MARCHF7: variants seen among roughly 807,000 people sequenced by gnomAD.
MARCHF7 encodes membrane associated ring-CH-type finger 7.
Under a neutral mutation model 76.5 loss-of-function variants are expected in MARCHF7, and 20 were observed. The ratio of observed to expected loss-of-function variants is 0.26; its 90% confidence interval spans 0.18 to 0.38. The LOEUF is 0.38. Among genes scored for constraint, MARCHF7 ranks in the 10% least tolerant of loss-of-function variants. The pLI, the probability that MARCHF7 is intolerant of heterozygous loss-of-function variation, is 1.00. For synonymous variants in MARCHF7, 295 were observed against 293.0 expected, an observed-to-expected ratio of 1.01 and a Z score of -0.07; for missense variants, 797 against 812.9, an observed-to-expected ratio of 0.98 and a Z score of 0.24.
chr2:159,762,925 T>C lies in MARCHF7; in HGVS notation c.1939T>C (p.Leu647=), dbSNP rs765909021. The C allele has an allele frequency of 4.3e-6, 7 of 1,613,370 alleles. No individual in the cohort carries two copies. In the East Asian group the frequency reaches 1.3e-4, roughly 31 times the overall value. ...ISSGLYLVVL[L]HLCEQSFSDM... ...CTCTGGTCTCTACCTAGTGGTGTTA[T>C]TGCACTTGTGCGAACAAAGCTTTTC... The change falls in exon 10 of 12, where the codon TTG becomes CTG. Residue 647 remains leucine (L), a synonymous_variant. Coordinates refer to ENST00000409175, the MANE Select transcript of MARCHF7 (RefSeq NM_001282805.2).
intron 9 of MARCHF7, among the ~76,000 whole-genome samples, chr2:159,760,985 A>T (rs888024413): frequency 6.6e-6 from 1 of 151,482 alleles, no homozygotes; most frequent in Non-Finnish European, 1.5e-5. Context: ...CTATTTCCAC[A>T]TTAACCAGTG....
At chr2:159,724,797 G>A (rs907574445) in intron 3 of MARCHF7, among the ~76,000 whole-genome samples, 1 of 151,978 alleles carries the variant, frequency 6.6e-6, no homozygotes, top group Non-Finnish European at 1.5e-5. Context: ...CTCGTCATTT[G>A]CAATAGATAT....
Position 159,748,590 on chromosome 2 carries a change from C to G in MARCHF7, c.1300C>G (p.Leu434Val). Reference sequence around the variant, plus strand: ...AAGAGAATCAAATGAAGTGGTTCACCTTGAAGCACAGAATGATCCTCTTGG... The same window carrying G: ...AAGAGAATCAAATGAAGTGGTTCACGTTGAAGCACAGAATGATCCTCTTGG... ...FRRESNEVVHLEAQNDPLGAA... is the reference protein window; with the variant it reads ...FRRESNEVVHVEAQNDPLGAA... Residue 434 changes from leucine to valine, a missense_variant, in exon 7 of 12, where the codon CTT (leucine) becomes GTT (valine). This residue lies in a region of MARCHF7 where 643 missense variants were observed against 631.5 expected (regional missense o/e 1.02). Coordinates refer to ENST00000409175, the MANE Select transcript of MARCHF7 (RefSeq NM_001282805.2). 1 of 1,614,222 alleles carries G rather than the reference C, an allele frequency of 6.2e-7. No homozygotes were observed. Among genetic ancestry groups the G allele is most frequent in the Non-Finnish European group, 8.5e-7 (1 of 1,180,036 alleles).
At chr2:159,734,970 G>A (rs951334345) in intron 4 of MARCHF7, among the ~76,000 whole-genome samples, 13 of 152,032 alleles carry the variant, frequency 8.6e-5, no homozygotes, top group African/African-American at 2.9e-4. Context: ...TGACAGAACA[G>A]GACCCTGTCT....
intron 8 of MARCHF7, among the ~76,000 whole-genome samples, chr2:159,754,544 G>A (rs966662361): frequency 3.7e-4 from 57 of 152,052 alleles, no homozygotes; most frequent in African/African-American, 1.4e-3. Flanking sequence ...ACTGGAGATA[G>A]GGAACAGGAA....
chr2:159,751,207 G>A (rs994633455), intron 7 of MARCHF7, among the ~76,000 whole-genome samples: 4 of 152,198 alleles, frequency 2.6e-5, no homozygotes, highest in Admixed American at 2.6e-4. Flanking sequence ...TGTAGGCAGA[G>A]AGCAAAGCGT....
At position 159,742,637 on chromosome 2, in the gene MARCHF7, C is replaced by G. The variant is rs368048372; in HGVS notation, c.154-424C>G. ...TAAATGGACAAGTGGGTAGAAGGAA[C>G]AAAGACTAAAGAAGAACTACATGGT... On this transcript the variant is annotated intron_variant, in intron 4 of 11. Coordinates refer to ENST00000409175, the MANE Select transcript of MARCHF7 (RefSeq NM_001282805.2). Among the ~76,000 whole-genome samples, 222 of 151,984 alleles carry G rather than the reference C, an allele frequency of 1.5e-3. 10 individuals are homozygous for G. In the South Asian group the frequency reaches 0.045, roughly 31 times the overall value.
intron 6 of MARCHF7, among the ~76,000 whole-genome samples, chr2:159,746,438 G>C (rs991806080): frequency 6.6e-6 from 1 of 152,230 alleles, no homozygotes; most frequent in Admixed American, 6.5e-5. Flanking sequence ...TTTTGCTCTT[G>C]TTACCCAGGC....
chr2:159,722,901 G>C (rs937429335), intron 3 of MARCHF7, among the ~76,000 whole-genome samples: 3 of 152,192 alleles, frequency 2.0e-5, no homozygotes, highest in African/African-American at 7.2e-5. Flanking sequence ...GTTTTAAGCA[G>C]ATTTCCTACT....
chr2:159,727,820 C>G (rs1407778539), intron 3 of MARCHF7, among the ~76,000 whole-genome samples: 1 of 152,118 alleles, frequency 6.6e-6, no homozygotes, highest in Non-Finnish European at 1.5e-5. Context: ...CAAAAGAGTA[C>G]TTATTGTATG....
In MARCHF7 at chr2:159,747,955, TAAG is replaced by T. The variant is rs1333513687; in HGVS notation, c.667_669del (p.Arg223del). 1 of 1,613,936 alleles carries T rather than the reference TAAG, an allele frequency of 6.2e-7. No individual in the cohort carries two copies. The highest frequency in any genetic ancestry group is 2.2e-5 in the East Asian group (1 of 44,882). On this transcript the variant is annotated inframe_deletion, in exon 7 of 12. Coordinates refer to ENST00000409175, the MANE Select transcript of MARCHF7 (RefSeq NM_001282805.2). Reference sequence around the variant, plus strand: ...AGTTCTAGGGACTCCAGAAATTCTTTAAGATCAAATTTTTCTTCAAGAGAATCA... The same window carrying T: ...AGTTCTAGGGACTCCAGAAATTCTTTATCAAATTTTTCTTCAAGAGAATCA...
intron 9 of MARCHF7, among the ~76,000 whole-genome samples, chr2:159,760,753 T>C (rs1706952060): frequency 6.6e-6 from 1 of 151,920 alleles, no homozygotes; most frequent in African/African-American, 2.4e-5. Flanking sequence ...TTTGACTCGC[T>C]CTGTCATGCC....
At chr2:159,760,975 C>G (rs1706980582) in intron 9 of MARCHF7, among the ~76,000 whole-genome samples, 1 of 151,100 alleles carries the variant, frequency 6.6e-6, no homozygotes, top group African/African-American at 2.4e-5. Flanking sequence ...TTTAATAAGT[C>G]TATTTCCACA....
At chr2:159,732,298 A>T (rs72996617) in intron 4 of MARCHF7, among the ~76,000 whole-genome samples, 11,291 of 152,188 alleles carry the variant, frequency 0.074, 861 homozygotes, top group African/African-American at 0.19. Context: ...TAGAATTTTT[A>T]AAATCTTTAT....
chr2:159,714,622 G>T (rs1040361906), intron 2 of MARCHF7, 24 bp downstream of exon 2: 26 of 152,172 alleles, frequency 1.7e-4, no homozygotes, highest in African/African-American at 5.3e-4. Context: ...CGACATAAAA[G>T]ACTTTCTGTA....
intron 3 of MARCHF7, among the ~76,000 whole-genome samples, chr2:159,721,630 CTAAT>C (rs761108386): frequency 3.3e-5 from 5 of 152,276 alleles, no homozygotes; most frequent in East Asian, 3.9e-4. Context: ...GGCTTTGTAG[CTAAT>C]TAGATTCCTT....
chr2:159,735,175 A>G (rs1047192622), intron 4 of MARCHF7, among the ~76,000 whole-genome samples: 1 of 152,162 alleles, frequency 6.6e-6, no homozygotes, highest in African/African-American at 2.4e-5. Flanking sequence ...TTGTTCTGGA[A>G]GTCTTTCAAA....
intron 3 of MARCHF7, among the ~76,000 whole-genome samples, chr2:159,726,356 G>A (rs183665497): frequency 6.6e-5 from 10 of 152,166 alleles, no homozygotes; most frequent in Admixed American, 2.6e-4. Context: ...TCCGCCTCCC[G>A]GGTTCACGCC....
At chr2:159,732,642 A>G (rs139965013) in intron 4 of MARCHF7, among the ~76,000 whole-genome samples, 5,679 of 152,254 alleles carry the variant, frequency 0.037, 340 homozygotes, top group African/African-American at 0.13. Flanking sequence ...CCTCCTGAGT[A>G]GCTGGGACTA....
Sources: gnomAD v4.1 joint callset for allele counts (sites outside exome capture counted in the v4.1 genomes callset) on GRCh38, gnomAD v4.1.1 for gene constraint, gnomAD v4.1.1 regional missense constraint, MANE v1.5 for transcripts, NCBI Gene and HGNC (gene_info 2026-07-23, HGNC 2026-07-21) for gene names.